GATAD2A: variants seen among roughly 807,000 people sequenced by gnomAD.
GATAD2A encodes transcriptional repressor p66-alpha.
Under a neutral mutation model 68.5 loss-of-function variants are expected in GATAD2A, and 12 were observed. The observed-to-expected ratio is 0.18, with a 90% CI of 0.11 to 0.28. The LOEUF is 0.28. GATAD2A is among the 10% of genes least tolerant of loss of function. The pLI is 1.00. For synonymous variants in GATAD2A, 410 were observed against 375.3 expected (o/e 1.09, Z -1.07); for missense variants, 755 against 868.5 (o/e 0.87, Z 1.64).
chr19:19,475,235 G>C (rs933291534), intron 2 of GATAD2A, among the ~76,000 whole-genome samples: 3 of 152,206 alleles, frequency 2.0e-5, no homozygotes, highest in African/African-American at 7.2e-5. Flanking sequence ...CACAGCTGTC[G>C]ACGTGAGGGC....
intron 1 of GATAD2A, among the ~76,000 whole-genome samples, chr19:19,444,578 G>A (rs2055482796): frequency 6.6e-6 from 1 of 152,116 alleles, no homozygotes; most frequent in Non-Finnish European, 1.5e-5. Flanking sequence ...TTCCCCAATA[G>A]TGTGTTAGTG....
chr19:19,476,181 C>T (rs1354640214), intron 2 of GATAD2A, among the ~76,000 whole-genome samples: 1 of 152,224 alleles, frequency 6.6e-6, no homozygotes, highest in Non-Finnish European at 1.5e-5. Flanking sequence ...CCAGAGGCCA[C>T]ACTTTATATG....
intron 1 of GATAD2A, among the ~76,000 whole-genome samples, chr19:19,406,828 G>A (rs2050335129): frequency 6.6e-6 from 1 of 152,172 alleles, no homozygotes; most frequent in African/African-American, 2.4e-5. Context: ...TGCGCACACT[G>A]GGACCCAGAA....
At chr19:19,419,048 TAC>T in intron 1 of GATAD2A, among the ~76,000 whole-genome samples, 1 of 152,254 alleles carries the variant, frequency 6.6e-6, no homozygotes, top group East Asian at 1.9e-4. Context: ...TCAGGGCCTG[TAC>T]CCTCCACCAT....
At chr19:19,409,720 G>T (rs1429107589) in intron 1 of GATAD2A, among the ~76,000 whole-genome samples, 1 of 148,706 alleles carries the variant, frequency 6.7e-6, no homozygotes, top group Non-Finnish European at 1.5e-5. Flanking sequence ...CAGCGAGGTG[G>T]AAATAGTGAG....
At chr19:19,454,882 C>T (rs144678634) in intron 1 of GATAD2A, among the ~76,000 whole-genome samples, 58 of 152,246 alleles carry the variant, frequency 3.8e-4, no homozygotes, top group African/African-American at 1.0e-3. Flanking sequence ...GCGATGGTTG[C>T]GTGTGGTTTT....
intron 1 of GATAD2A, among the ~76,000 whole-genome samples, chr19:19,400,638 A>G (rs758864217): frequency 6.6e-6 from 1 of 152,218 alleles, no homozygotes; most frequent in Admixed American, 6.5e-5. Context: ...AATCAGGAGT[A>G]TCAAAGTATT....
At chr19:19,504,363 C>T (rs1045409237) in intron 11 of GATAD2A, among the ~76,000 whole-genome samples, 2 of 152,342 alleles carry the variant, frequency 1.3e-5, no homozygotes, top group East Asian at 1.9e-4. Context: ...CTTGTATTTT[C>T]CTCCCCCAGG....
At chr19:19,499,315 T>G (rs376743400) in intron 8 of GATAD2A, among the ~76,000 whole-genome samples, 1 of 152,104 alleles carries the variant, frequency 6.6e-6, no homozygotes, top group Non-Finnish European at 1.5e-5. Flanking sequence ...TCCCCAGACA[T>G]GGAGACCAAG....
intron 1 of GATAD2A, among the ~76,000 whole-genome samples, chr19:19,387,336 T>C (rs1165064426): frequency 4.6e-5 from 7 of 151,578 alleles, no homozygotes; most frequent in Non-Finnish European, 1.0e-4. Flanking sequence ...CTTTTTTTTT[T>C]TGAGACAGAG....
chr19:19,469,871 C>T (rs555562319), intron 2 of GATAD2A, among the ~76,000 whole-genome samples: 3 of 151,878 alleles, frequency 2.0e-5, no homozygotes, highest in East Asian at 3.9e-4. Context: ...CACTTGAATC[C>T]GTGAAGCGGA....
chr19:19,464,525 G>T lies in GATAD2A; in HGVS notation c.-6-815G>T, dbSNP rs184693450. 2.2e-3 allele frequency among the ~76,000 whole-genome samples: 332 copies of T among 152,358 alleles called. 1 individual carries two copies. The highest frequency in any genetic ancestry group is 3.6e-3 in the Non-Finnish European group (242 of 68,034). ...CTCCGTGAGGGTTAACAACACTTCA[G>T]CCTGTTGTCTGGAACCGGTTCAGAC... On this transcript the variant is annotated intron_variant, in intron 1 of 11. Coordinates refer to ENST00000683918, the MANE Select transcript of GATAD2A (RefSeq NM_001384528.1).
intron 1 of GATAD2A, among the ~76,000 whole-genome samples, chr19:19,432,004 T>G (rs2053805488): frequency 6.6e-6 from 1 of 152,134 alleles, no homozygotes; most frequent in Admixed American, 6.5e-5. Context: ...AGATGGAGTT[T>G]CACTCTTGTT....
rs748294560 is a variant in GATAD2A at position 19,494,290 on chromosome 19, G to A, written c.535-4G>A. 6 of 1,597,512 alleles carry A rather than the reference G, an allele frequency of 3.8e-6. No homozygotes were observed. The highest frequency in any genetic ancestry group is 4.3e-6 in the Non-Finnish European group (5 of 1,165,766). Reference sequence around the variant, plus strand: ...TCACCTCCTGGTGTCCTGCTCTCTTGCAGCCCACAGGTTCTGTTGGGAGCA... The same window carrying A: ...TCACCTCCTGGTGTCCTGCTCTCTTACAGCCCACAGGTTCTGTTGGGAGCA... On this transcript the variant is annotated splice_region_variant and splice_polypyrimidine_tract_variant and intron_variant, in intron 4 of 11. Coordinates refer to ENST00000683918, the MANE Select transcript of GATAD2A (RefSeq NM_001384528.1).
At chr19:19,390,131 G>C (rs1367343280) in intron 1 of GATAD2A, among the ~76,000 whole-genome samples, 3 of 152,206 alleles carry the variant, frequency 2.0e-5, no homozygotes, top group African/African-American at 7.2e-5. Flanking sequence ...CAACTTTGAA[G>C]TCAGAAGGAG....
chr19:19,488,489 C>T (rs1193771642), intron 2 of GATAD2A, among the ~76,000 whole-genome samples: 1 of 152,252 alleles, frequency 6.6e-6, no homozygotes, highest in Non-Finnish European at 1.5e-5. Context: ...CTTCCCGGCA[C>T]TGGCTGAGGG....
rs112988582 is a variant in GATAD2A at position 19,505,499 on chromosome 19, G to C, written c.*25G>C. On this transcript the variant is annotated 3_prime_UTR_variant, in exon 12 of 12. Transcript: ENST00000683918. Reference sequence around the variant, plus strand: ...GTGCGAGCCAGGCCCCGTGGAAGACGGGCTCCCTCCTCCCCCACCTGGCCC... The same window carrying C: ...GTGCGAGCCAGGCCCCGTGGAAGACCGGCTCCCTCCTCCCCCACCTGGCCC... 6.5e-7 allele frequency: 1 copy of C among 1,550,242 alleles called. No homozygotes were observed.
rs570909071 is a variant in GATAD2A, at chr19:19,506,119, C to T, written c.*645C>T. On this transcript the variant is annotated 3_prime_UTR_variant, in exon 12 of 12. Transcript: ENST00000683918. ...ATGGTGCCACAGCCCCTGGCAGGGA[C>T]GGCCGGCCCGCCCCCGTGACTGACT... The T allele has an allele frequency of 5.8e-5, 23 of 398,992 alleles. No individual in the cohort carries two copies. Among genetic ancestry groups the T allele is most frequent in the South Asian group, 2.5e-4 (2 of 7,868 alleles). 24.7% of individuals were successfully genotyped at this position (398,992 alleles called of 1,614,324 possible). A position where few individuals can be genotyped will look rare whatever the true frequency, so the allele number is the denominator to read the frequency against.
Position 19,445,955 on chromosome 19 carries a change from G to A in GATAD2A, c.-6-19385G>A, listed in dbSNP as rs117587663. On this transcript the variant is annotated intron_variant, in intron 1 of 11. Coordinates refer to ENST00000683918, the MANE Select transcript of GATAD2A (RefSeq NM_001384528.1). ...CTACAAGTGGACTTGCAGGACACTC[G>A]GGAGCATGGTGATGCCGTGGGCTGG... 2.5e-3 allele frequency among the ~76,000 whole-genome samples: 381 copies of A among 152,190 alleles called. 3 individuals carry two copies. The highest frequency in any genetic ancestry group is 6.8e-3 in the Middle Eastern group (2 of 294).
Sources: gnomAD v4.1 joint callset for allele counts (sites outside exome capture counted in the v4.1 genomes callset) on GRCh38, gnomAD v4.1.1 for gene constraint, MANE v1.5 for transcripts, NCBI Gene and HGNC (gene_info 2026-07-23, HGNC 2026-07-21) for gene names.